Variants in ANKMY1 observed in about 807,000 individuals in gnomAD.
The protein encoded by ANKMY1 is ankyrin repeat and MYND domain containing 1.
ANKMY1 carries 98 observed loss-of-function variants against 102.0 expected under a neutral mutation model. The observed-to-expected ratio is 0.96, with a 90% CI of 0.82 to 1.14. The LOEUF (loss-of-function observed/expected upper bound fraction) is 1.14. Among genes scored for constraint, ANKMY1 ranks in the 50% most tolerant of loss-of-function variants. The pLI is 0.00. For synonymous variants in ANKMY1, 582 were observed against 559.9 expected (o/e 1.04, Z -0.56); for missense variants, 1,330 against 1,347.6 (o/e 0.99, Z 0.20).
intron 4 of ANKMY1, among the ~76,000 whole-genome samples, chr2:240,539,071 A>C (rs1013118007): frequency 2.0e-5 from 3 of 152,214 alleles, no homozygotes; most frequent in African/African-American, 7.2e-5. Context: ...GGGTCAGATA[A>C]GGGAATAAAC....
intron 4 of ANKMY1, among the ~76,000 whole-genome samples, chr2:240,532,348 C>T (rs2085617982): frequency 6.6e-6 from 1 of 152,182 alleles, no homozygotes; most frequent in Non-Finnish European, 1.5e-5. Context: ...GCAAAAACAA[C>T]TGATTCTCAG....
Position 240,499,878 on chromosome 2 carries a change from G to C in ANKMY1, c.2806+80C>G, listed in dbSNP as rs1230112147. ...CCCTCCAAGAGCCCCAGGGGGTCCA[G>C]ATCTCCAGGGATAACAGCCCCAGGC... On this transcript the variant is annotated intron_variant, in intron 15 of 17. Transcript: ENST00000401804. The surrounding 1 kb of genome is among the most constrained non-coding windows in gnomAD (Gnocchi z 4.2). 5 of 1,487,238 alleles carry C rather than the reference G, an allele frequency of 3.4e-6. No individual in the cohort carries two copies. Among genetic ancestry groups the C allele is most frequent in the African/African-American group, 1.4e-5 (1 of 71,870 alleles). The allele number at this position is 1,487,238 out of a possible 1,614,324, so 92.1% of individuals were successfully genotyped here. A position where few individuals can be genotyped will look rare whatever the true frequency, so the allele number is the denominator to read the frequency against.
intron 15 of ANKMY1, among the ~76,000 whole-genome samples, chr2:240,495,201 G>A (rs976491771): frequency 2.6e-5 from 4 of 152,146 alleles, no homozygotes; most frequent in African/African-American, 9.7e-5. Context: ...TCTAGCGGTA[G>A]TGTCAGTGCC....
At chr2:240,550,234 A>G (rs2091249631) in intron 4 of ANKMY1, among the ~76,000 whole-genome samples, 2 of 152,044 alleles carry the variant, frequency 1.3e-5, no homozygotes, top group Non-Finnish European at 2.9e-5. Flanking sequence ...GAAATTGGAA[A>G]TCATCATTCT....
chr2:240,479,527 A>C lies in ANKMY1; in HGVS notation c.*82T>G. ...GCAGAAATGCCTGCATTAGGCTGGAAGATTCCCTGAGGTGGCTCAGGCAGG... is the reference window on the plus strand; with the variant it reads ...GCAGAAATGCCTGCATTAGGCTGGACGATTCCCTGAGGTGGCTCAGGCAGG... On this transcript the variant is annotated 3_prime_UTR_variant, in exon 18 of 18. Transcript: ENST00000401804. The C allele has an allele frequency of 6.7e-7, 1 of 1,501,024 alleles. No individual in the cohort carries two copies. Among genetic ancestry groups the C allele is most frequent in the South Asian group, 1.1e-5 (1 of 87,972 alleles). The allele number at this position is 1,501,024 out of a possible 1,614,324, so 93.0% of individuals were successfully genotyped here.
At chr2:240,540,504 G>T (rs951320719) in intron 4 of ANKMY1, among the ~76,000 whole-genome samples, 9 of 152,196 alleles carry the variant, frequency 5.9e-5, no homozygotes, top group African/African-American at 2.2e-4. Flanking sequence ...AAACTCACCA[G>T]ATCACTGCAT....
chr2:240,556,967 G>C (rs1316246280), intron 2 of ANKMY1, among the ~76,000 whole-genome samples: 1 of 152,220 alleles, frequency 6.6e-6, no homozygotes, highest in Non-Finnish European at 1.5e-5. Context: ...GGGTGGCAGA[G>C]TGTGCAGGCA....
In ANKMY1 at chr2:240,499,693, C is replaced by T. The variant is rs181633900; in HGVS notation, c.2806+265G>A. Among the ~76,000 whole-genome samples, 308 of 152,152 alleles carry T rather than the reference C, an allele frequency of 2.0e-3. 1 individual carries two copies. Among genetic ancestry groups the T allele is most frequent in the African/African-American group, 7.2e-3 (298 of 41,492 alleles). ...CAGCAGTGCCTAGTTCTCTCCTGGG[C>T]GTGGGGCCCCTCTGACCTGGGCCCT... On this transcript the variant is annotated intron_variant, in intron 15 of 17. Transcript: ENST00000401804. The surrounding 1 kb of genome is among the most constrained non-coding windows in gnomAD (Gnocchi z 4.2).
At chr2:240,523,404 T>G in intron 8 of ANKMY1, 1 of 167,044 alleles carries the variant, frequency 6.0e-6, no homozygotes, top group Non-Finnish European at 1.3e-5. Flanking sequence ...AAGAGAATCA[T>G]TTTGACCCCA....
intron 4 of ANKMY1, among the ~76,000 whole-genome samples, chr2:240,530,480 CCCA>C (rs1374193151): frequency 1.3e-5 from 2 of 152,184 alleles, no homozygotes; most frequent in African/African-American, 4.8e-5. Context: ...TGCTCCTGCT[CCCA>C]CCACATGATG....
chr2:240,504,237 T>C (rs10933610), intron 13 of ANKMY1, among the ~76,000 whole-genome samples: 39,116 of 152,122 alleles, frequency 0.26, 5,841 homozygotes, highest in African/African-American at 0.41. Context: ...CCATCATTTA[T>C]GTATACCCCC....
chr2:240,519,025 A>AGGTAAAGT (rs2081660921), intron 9 of ANKMY1, among the ~76,000 whole-genome samples: 1 of 152,226 alleles, frequency 6.6e-6, no homozygotes, highest in African/African-American at 2.4e-5. Context: ...CCTGTGAAGA[A>AGGTAAAGT]GGTAAAGTGC....
chr2:240,549,738 T>G (rs2091160339), intron 4 of ANKMY1, among the ~76,000 whole-genome samples: 1 of 152,168 alleles, frequency 6.6e-6, no homozygotes, highest in Non-Finnish European at 1.5e-5. Context: ...AAGAAGACAT[T>G]TATGCAGCCA....
At chr2:240,544,138 T>C (rs943298678) in intron 4 of ANKMY1, among the ~76,000 whole-genome samples, 5 of 152,098 alleles carry the variant, frequency 3.3e-5, no homozygotes, top group Non-Finnish European at 7.4e-5. Context: ...GGGAAAGAGA[T>C]GTGAAGAAAG....
rs1029569795 is a variant in ANKMY1, at chr2:240,506,655, C to G, written c.2526+905G>C. Among the ~76,000 whole-genome samples, 2 of 147,660 alleles carry G rather than the reference C, an allele frequency of 1.4e-5. No individual in the cohort carries two copies. Among genetic ancestry groups the G allele is most frequent in the African/African-American group, 2.6e-5 (1 of 39,150 alleles). On this transcript the variant is annotated intron_variant, in intron 13 of 17. Transcript: ENST00000401804. This position sits in a 1 kb window ranked among gnomAD's most constrained non-coding sequence, Gnocchi z 4.9. ...CATTCCAGACGCCTGAGTCTCACCC[C>G]CCTCCTCCTTCCCCCTTTTTCTCCC...
chr2:240,520,827 C>G lies in ANKMY1; in HGVS notation c.1833-294G>C, dbSNP rs2082090530. Among the ~76,000 whole-genome samples the G allele has an allele frequency of 6.6e-6, 1 of 151,488 alleles. No homozygotes were observed. On this transcript the variant is annotated intron_variant, in intron 8 of 17. Coordinates refer to ENST00000401804, the MANE Select transcript of ANKMY1 (RefSeq NM_001282771.3). This position sits in a 1 kb window ranked among gnomAD's most constrained non-coding sequence, Gnocchi z 4.8. ...AGTACACACAGCACACAACCCCACA[C>G]ACAAGCCACACCAGAGCGCACACAC...
At chr2:240,491,483 C>T (rs892363834) in intron 15 of ANKMY1, among the ~76,000 whole-genome samples, 2 of 152,058 alleles carry the variant, frequency 1.3e-5, no homozygotes, top group African/African-American at 2.4e-5. Flanking sequence ...CTTTCTCTTC[C>T]TCCTTTGTAT....
At position 240,499,742 on chromosome 2, in the gene ANKMY1, T is replaced by C. The variant is rs1248378958; in HGVS notation, c.2806+216A>G. Among the ~76,000 whole-genome samples the C allele has an allele frequency of 6.6e-6, 1 of 152,048 alleles. No individual in the cohort carries two copies. The highest frequency in any genetic ancestry group is 2.4e-5 in the African/African-American group (1 of 41,382). On this transcript the variant is annotated intron_variant, in intron 15 of 17. Transcript: ENST00000401804. The surrounding 1 kb of genome is among the most constrained non-coding windows in gnomAD (Gnocchi z 4.2). ...CTGGCCCTAGGCCACCAACTCCTCT[T>C]CCCAGGGACATCTCCCCAGTCCAGA...
upstream of ANKMY1, chr2:240,560,515 G>A: frequency 9.4e-7 from 1 of 1,061,214 alleles, no homozygotes; most frequent in Non-Finnish European, 1.2e-6. Context: ...CCCCTGTCCC[G>A]GCCCAGCGCC....
Sources: allele counts gnomAD v4.1 joint callset (sites outside exome capture counted in the v4.1 genomes callset), GRCh38; gene constraint gnomAD v4.1.1; non-coding constraint Gnocchi (gnomAD v3.1); transcripts MANE v1.5; gene names NCBI Gene and HGNC (gene_info 2026-07-23, HGNC 2026-07-21).